The following AKNA variants were observed in gnomAD, a reference collection of about 807,000 sequenced individuals.
AKNA encodes AT-hook transcription factor.
A neutral mutation model predicts 138.8 loss-of-function variants in AKNA; 67 were observed. The ratio of observed to expected loss-of-function variants is 0.48; its 90% CI spans 0.40 to 0.59. The LOEUF is 0.59. AKNA is among the 20% of genes least tolerant of loss of function. The pLI is 0.00. For missense variants in AKNA, 1,813 were observed against 1,880.4 expected (o/e 0.96, Z 0.66); for synonymous variants, 737 against 754.4 (o/e 0.98, Z 0.38).
chr9:114,349,339 T>C (rs938230074), intron 15 of AKNA, among the ~76,000 whole-genome samples: 5 of 152,220 alleles, frequency 3.3e-5, no homozygotes, highest in Admixed American at 6.5e-5. Flanking sequence ...GGCAGCAGCA[T>C]CTACCTGACT....
At chr9:114,357,805 G>A in intron 12 of AKNA, 116 bp downstream of exon 12, 2 of 1,501,008 alleles carry the variant, frequency 1.3e-6, no homozygotes, top group Non-Finnish European at 1.8e-6. Flanking sequence ...GGCAGGGACA[G>A]GAGCAGCAAG....
chr9:114,376,333 A>G, intron 3 of AKNA, 133 bp downstream of exon 3: 1 of 280,730 alleles, frequency 3.6e-6, no homozygotes, highest in Non-Finnish European at 5.7e-6. Flanking sequence ...AGGGCTTCCC[A>G]CCCCAGCCAG....
chr9:114,347,155 C>T (rs894651899), intron 16 of AKNA, among the ~76,000 whole-genome samples: 8 of 152,260 alleles, frequency 5.3e-5, no homozygotes, highest in African/African-American at 1.7e-4. Flanking sequence ...TGAAGGCATG[C>T]TGGCAATGTT....
intron 18 of AKNA, chr9:114,344,636 CTG>C (rs1175551767): frequency 6.6e-6 from 1 of 152,276 alleles, no homozygotes; most frequent in African/African-American, 2.4e-5. Context: ...GAGCCATTTT[CTG>C]TGAGACTGAC....
chr9:114,338,871 T>C (rs1004147451), intron 21 of AKNA, among the ~76,000 whole-genome samples: 4 of 152,252 alleles, frequency 2.6e-5, no homozygotes, highest in Middle Eastern at 3.4e-3. Context: ...GGGGCAGCCA[T>C]GGGTTCACAC....
chr9:114,345,881 A>C lies in AKNA; in HGVS notation c.3643T>G (p.Phe1215Val), dbSNP rs922062106. ...GSAGWPDRVT[F>V]RGQYTGHEYH... ...GACCTACCTGTGTATTGGCCCCGGA[A>C]GGTGACCCTGTCTGGCCATCCAGCA... Residue 1215 changes from phenylalanine (F) to valine (V), a missense_variant, in exon 18 of 22, where the codon TTC (phenylalanine) becomes GTC (valine). Transcript: ENST00000374088. 1.9e-6 allele frequency: 3 copies of C among 1,614,024 alleles called. No homozygotes were observed. The African/African-American group carries it at 4.0e-5, about 22-fold the overall frequency.
rs771188605 is a variant in AKNA, at chr9:114,341,975, T to C, written c.3874+34A>G. 3.2e-6 allele frequency: 5 copies of C among 1,577,582 alleles called. No individual in the cohort carries two copies. In the South Asian group the frequency reaches 5.5e-5, roughly 17 times the overall value. Reference sequence around the variant, plus strand: ...AACCCTGGTCAAGGAGAGCTGAGGGTCTGGCTAAGAGAAGAAACAGTATTT... The same window carrying C: ...AACCCTGGTCAAGGAGAGCTGAGGGCCTGGCTAAGAGAAGAAACAGTATTT... On this transcript the variant is annotated intron_variant, in intron 20 of 21. Coordinates refer to ENST00000374088, the MANE Select transcript of AKNA (RefSeq NM_001317950.2).
rs1427318992 is a variant in AKNA at position 114,345,904 on chromosome 9, G to A, written c.3620C>T (p.Ala1207Val). 4 of 1,614,116 alleles carry A rather than the reference G, an allele frequency of 2.5e-6. 1 individual carries two copies. In the South Asian group the frequency reaches 4.4e-5, roughly 18 times the overall value. ...ARDGKRGVGS[A>V]GWPDRVTFRG... is the part of the protein sequence containing the mutation. ...GAAGGTGACCCTGTCTGGCCATCCA[G>A]CACTGCCCACCCCTCTCTTTCCATC... Residue 1207 changes from alanine to valine, a missense_variant, in exon 18 of 22, where the codon GCT (alanine) becomes GTT (valine). Physicochemically the swap from Ala to Val is moderately conservative, Grantham distance 64. Coordinates refer to ENST00000374088, the MANE Select transcript of AKNA (RefSeq NM_001317950.2).
intron 3 of AKNA, 196 bp downstream of exon 3, chr9:114,376,270 C>T (rs1366630452): frequency 1.9e-6 from 1 of 536,552 alleles, no homozygotes; most frequent in Non-Finnish European, 3.4e-6. Context: ...CCAGGGCTTC[C>T]CACCCTAGCC....
chr9:114,360,068 GT>G lies in AKNA; in HGVS notation c.2125-7del. 1 of 1,614,114 alleles carries G rather than the reference GT, an allele frequency of 6.2e-7. No individual in the cohort carries two copies. Among genetic ancestry groups the G allele is most frequent in the Non-Finnish European group, 8.5e-7 (1 of 1,180,034 alleles). Reference sequence around the variant, plus strand: ...GCGGCAGTGGTGGTAGCAGGCTGGGGTCAGAAAGATGGACAGACAGAGATTC... The same window carrying G: ...GCGGCAGTGGTGGTAGCAGGCTGGGGCAGAAAGATGGACAGACAGAGATTC... On this transcript the variant is annotated splice_region_variant and splice_polypyrimidine_tract_variant and intron_variant, in intron 9 of 21. Transcript: ENST00000374088.
At position 114,337,013 on chromosome 9, in the gene AKNA, G is replaced by GGGCCCCCCCCC; in HGVS notation, c.*40_*41insGGGGGGGGGCC. On this transcript the variant is annotated 3_prime_UTR_variant, in exon 22 of 22. Transcript: ENST00000374088. ...CCACTCCTGGCCTGGCAGGCCACCT[G>GGGCCCCCCCCC]CCCACCCACCCACCCATCTGCCTCT... The GGGCCCCCCCCC allele has an allele frequency of 5.1e-6, 6 of 1,185,370 alleles. No homozygotes were observed. The highest frequency in any genetic ancestry group is 4.3e-6 in the Non-Finnish European group (4 of 921,704). 73.4% of individuals were successfully genotyped at this position (1,185,370 alleles called of 1,614,324 possible). A position where few individuals can be genotyped will look rare whatever the true frequency, so the allele number is the denominator to read the frequency against.
chr9:114,395,370 C>T (rs563127312), upstream of AKNA, among the ~76,000 whole-genome samples: 2 of 152,114 alleles, frequency 1.3e-5, no homozygotes, highest in Non-Finnish European at 2.9e-5. Context: ...GACTTACCCC[C>T]CAATCCCTTG....
chr9:114,357,861 T>C, intron 12 of AKNA, 60 bp downstream of exon 12: 3 of 1,573,338 alleles, frequency 1.9e-6, no homozygotes, highest in South Asian at 1.2e-5. Flanking sequence ...AAGCAGAAAG[T>C]TGAGAAGACC....
At position 114,387,981 on chromosome 9, in the gene AKNA, C is replaced by T. The variant is rs1375458925; in HGVS notation, c.-235G>A. ...CGCCCTGGCCCACCTCCAGGCCGTT[C>T]TGCCAGCCCAAGCTGCTGCTCACAG... On this transcript the variant is annotated 5_prime_UTR_variant, in exon 1 of 22. Coordinates refer to ENST00000374088, the MANE Select transcript of AKNA (RefSeq NM_001317950.2). 1 of 414,314 alleles carries T rather than the reference C, an allele frequency of 2.4e-6. No homozygotes were observed. Among genetic ancestry groups the T allele is most frequent in the Admixed American group, 2.5e-5 (1 of 40,266 alleles). The allele number at this position is 414,314 out of a possible 1,614,324, so 25.7% of individuals were successfully genotyped here. A position where few individuals can be genotyped will look rare whatever the true frequency, so the allele number is the denominator to read the frequency against.
At chr9:114,390,690 C>T (rs1353331083), upstream of AKNA, among the ~76,000 whole-genome samples, 2 of 152,222 alleles carry the variant, frequency 1.3e-5, no homozygotes, top group Non-Finnish European at 2.9e-5. Context: ...TGAAACTCCA[C>T]AAGCTGGCCG....
rs186713870 is a variant in AKNA at position 114,374,294 on chromosome 9, G to T, written c.1342-127C>A. 4.7e-5 allele frequency: 42 copies of T among 889,934 alleles called. No homozygotes were observed. In the African/African-American group the frequency reaches 6.3e-4, roughly 13 times the overall value. 55.1% of individuals were successfully genotyped at this position (889,934 alleles called of 1,614,324 possible). A position where few individuals can be genotyped will look rare whatever the true frequency, so the allele number is the denominator to read the frequency against. ...GGTTCCTGAGAGGAAAGCATTCAAT[G>T]GTGGGATCCGAGCTGAGCAATCTTC... is the stretch of plus-strand genomic sequence containing the variant. On this transcript the variant is annotated intron_variant, in intron 3 of 21. Transcript: ENST00000374088.
chr9:114,337,009 A>G lies in AKNA; in HGVS notation c.*45T>C. The G allele has an allele frequency of 1.6e-6, 2 of 1,237,328 alleles. No individual in the cohort carries two copies. Among genetic ancestry groups the G allele is most frequent in the Non-Finnish European group, 2.1e-6 (2 of 935,934 alleles). 76.6% of individuals were successfully genotyped at this position (1,237,328 alleles called of 1,614,324 possible). A position where few individuals can be genotyped will look rare whatever the true frequency, so the allele number is the denominator to read the frequency against. ...CAGCCCACTCCTGGCCTGGCAGGCC[A>G]CCTGCCCACCCACCCACCCATCTGC... is the stretch of plus-strand genomic sequence containing the variant. On this transcript the variant is annotated 3_prime_UTR_variant, in exon 22 of 22. Transcript: ENST00000374088.
chr9:114,378,885 G>A (rs1833433395), intron 2 of AKNA, among the ~76,000 whole-genome samples: 1 of 152,142 alleles, frequency 6.6e-6, no homozygotes, highest in Non-Finnish European at 1.5e-5. Flanking sequence ...CATAGTTTGG[G>A]TACCACCAGG....
At position 114,337,013 on chromosome 9, in the gene AKNA, G is replaced by GGGGGGGGGGGGGGGGGGGGCC; in HGVS notation, c.*40_*41insGGCCCCCCCCCCCCCCCCCCC. The GGGGGGGGGGGGGGGGGGGGCC allele has an allele frequency of 8.4e-7, 1 of 1,185,370 alleles. No individual in the cohort carries two copies. The highest frequency in any genetic ancestry group is 1.1e-6 in the Non-Finnish European group (1 of 921,704). The allele number at this position is 1,185,370 out of a possible 1,614,324, so 73.4% of individuals were successfully genotyped here. ...CCACTCCTGGCCTGGCAGGCCACCT[G>GGGGGGGGGGGGGGGGGGGGCC]CCCACCCACCCACCCATCTGCCTCT... On this transcript the variant is annotated 3_prime_UTR_variant, in exon 22 of 22. Transcript: ENST00000374088.
Sources: gnomAD v4.1 joint callset for allele counts (sites outside exome capture counted in the v4.1 genomes callset) on GRCh38, gnomAD v4.1.1 for gene constraint, MANE v1.5 for transcripts, NCBI Gene and HGNC (gene_info 2026-07-23, HGNC 2026-07-21) for gene names.